Variants in PLCL1 observed in about 807,000 individuals in gnomAD.
The protein encoded by PLCL1 is inactive phospholipase C-like protein 1.
Under a neutral mutation model 84.4 loss-of-function variants are expected in PLCL1, and 41 were observed. The ratio of observed to expected loss-of-function variants is 0.49; its 90% CI spans 0.38 to 0.63. The LOEUF (loss-of-function observed/expected upper bound fraction) is 0.63. Among genes scored for constraint, PLCL1 ranks in the 30% least tolerant of loss-of-function variants. PLCL1 has a pLI of 0.00. For synonymous variants in PLCL1, 490 were observed against 488.3 expected, an observed-to-expected ratio of 1.00 and a Z score of -0.05; for missense variants, 1,206 against 1,367.8, an observed-to-expected ratio of 0.88 and a Z score of 1.87.
intron 1 of PLCL1, among the ~76,000 whole-genome samples, chr2:197,979,176 C>T (rs1021467226): frequency 9.8e-5 from 15 of 152,292 alleles, no homozygotes; most frequent in African/African-American, 3.6e-4. Context: ...TAGAGGACAT[C>T]CGGCTTCTGA....
intron 3 of PLCL1, among the ~76,000 whole-genome samples, chr2:198,097,144 G>C (rs1475665261): frequency 1.3e-5 from 2 of 152,168 alleles, no homozygotes; most frequent in East Asian, 3.9e-4. Flanking sequence ...AAAAAGAACT[G>C]TCTGCTGGCA....
intron 1 of PLCL1, among the ~76,000 whole-genome samples, chr2:197,849,557 A>C (rs914866925): frequency 1.3e-5 from 2 of 152,226 alleles, no homozygotes; most frequent in Admixed American, 6.5e-5. Flanking sequence ...GGAAATTAAA[A>C]AATAAATATT....
At chr2:197,817,152 G>T (rs1690706725) in intron 1 of PLCL1, among the ~76,000 whole-genome samples, 1 of 152,056 alleles carries the variant, frequency 6.6e-6, no homozygotes, top group African/African-American at 2.4e-5. Context: ...AAAGGTACAG[G>T]TCTTTGGCTC....
intron 1 of PLCL1, among the ~76,000 whole-genome samples, chr2:197,856,987 G>A (rs967316098): frequency 1.3e-5 from 2 of 151,870 alleles, no homozygotes; most frequent in Admixed American, 1.3e-4. Flanking sequence ...GAGAATGAGG[G>A]GTGGGAAGAG....
intron 1 of PLCL1, among the ~76,000 whole-genome samples, chr2:198,039,482 C>T (rs2105857552): frequency 6.6e-6 from 1 of 152,132 alleles, no homozygotes; most frequent in South Asian, 2.1e-4. Context: ...GAAATATTTT[C>T]CTGTCTCTTG....
intron 1 of PLCL1, among the ~76,000 whole-genome samples, chr2:197,990,540 A>G (rs1312305017): frequency 6.6e-6 from 1 of 152,206 alleles, no homozygotes; most frequent in African/African-American, 2.4e-5. Flanking sequence ...GAGCAAAGGC[A>G]CATCTTACAT....
intron 1 of PLCL1, among the ~76,000 whole-genome samples, chr2:197,839,554 G>A (rs190647732): frequency 6.4e-4 from 97 of 152,324 alleles, no homozygotes; most frequent in African/African-American, 2.2e-3. Context: ...CTCACCTGCA[G>A]CTCACCTTCT....
Position 198,142,296 on chromosome 2 carries a change from G to A in PLCL1, c.3106-4484G>A, listed in dbSNP as rs145923114. On this transcript the variant is annotated intron_variant, in intron 5 of 5. Coordinates refer to ENST00000428675, the MANE Select transcript of PLCL1 (RefSeq NM_006226.4). ...ATGAGATGTATTTGAACTGGTTTAC[G>A]TTTAGTATATTAAGTGTTCAGTAAA... 8.7e-3 allele frequency among the ~76,000 whole-genome samples: 1,329 copies of A among 152,124 alleles called. 10 individuals are homozygous for A. The highest frequency in any genetic ancestry group is 0.03 in the South Asian group (145 of 4,818).
intron 1 of PLCL1, among the ~76,000 whole-genome samples, chr2:197,935,679 G>A (rs1339022992): frequency 6.6e-6 from 1 of 152,086 alleles, no homozygotes; most frequent in African/African-American, 2.4e-5. Context: ...TATTACCGGG[G>A]TGACAAAATA....
chr2:197,856,320 T>A (rs1687329399), intron 1 of PLCL1, among the ~76,000 whole-genome samples: 1 of 152,190 alleles, frequency 6.6e-6, no homozygotes, highest in Non-Finnish European at 1.5e-5. Flanking sequence ...ATAAATGAGA[T>A]AGAAGTCGAG....
chr2:197,868,118 A>G (rs1181013171), intron 1 of PLCL1, among the ~76,000 whole-genome samples: 1 of 152,172 alleles, frequency 6.6e-6, no homozygotes, highest in Non-Finnish European at 1.5e-5. Context: ...TATCTTAGCT[A>G]TTATAACTGC....
intron 1 of PLCL1, among the ~76,000 whole-genome samples, chr2:197,962,944 T>C (rs1021547903): frequency 1.3e-5 from 2 of 152,098 alleles, no homozygotes; most frequent in African/African-American, 4.8e-5. Flanking sequence ...TGATTGTGTA[T>C]ATGCACCACA....
chr2:198,015,745 C>T (rs796523595), intron 1 of PLCL1, among the ~76,000 whole-genome samples: 17 of 151,950 alleles, frequency 1.1e-4, no homozygotes, highest in African/African-American at 9.6e-5. Context: ...AGGGTGGTCA[C>T]GGTGGTGGTA....
chr2:197,876,902 A>G (rs992556121), intron 1 of PLCL1, among the ~76,000 whole-genome samples: 1 of 152,194 alleles, frequency 6.6e-6, no homozygotes, highest in Non-Finnish European at 1.5e-5. Context: ...AGGCATTTAG[A>G]TGAGCGTAAA....
intron 1 of PLCL1, among the ~76,000 whole-genome samples, chr2:198,014,149 T>C (rs1333911304): frequency 6.6e-6 from 1 of 152,142 alleles, no homozygotes; most frequent in Non-Finnish European, 1.5e-5. Context: ...AGCAGCACAG[T>C]CTAATACAAG....
At chr2:197,988,418 C>T (rs1414870292) in intron 1 of PLCL1, among the ~76,000 whole-genome samples, 1 of 152,152 alleles carries the variant, frequency 6.6e-6, no homozygotes, top group Admixed American at 6.6e-5. Context: ...TATCACTCTG[C>T]ATGCCTTTGC....
At chr2:197,826,073 C>T (rs548670241) in intron 1 of PLCL1, among the ~76,000 whole-genome samples, 1 of 152,316 alleles carries the variant, frequency 6.6e-6, no homozygotes, top group Admixed American at 6.5e-5. Flanking sequence ...GTATTTCCTT[C>T]TCGGAGGCTT....
intron 3 of PLCL1, among the ~76,000 whole-genome samples, chr2:198,092,385 T>G (rs1693066389): frequency 6.6e-6 from 1 of 152,234 alleles, no homozygotes; most frequent in South Asian, 2.1e-4. Flanking sequence ...TTATGGGGTA[T>G]GGTGTGATAT....
intron 1 of PLCL1, among the ~76,000 whole-genome samples, chr2:198,026,409 G>A (rs1018063862): frequency 1.3e-5 from 2 of 152,142 alleles, no homozygotes; most frequent in African/African-American, 4.8e-5. Flanking sequence ...GAATGACTTA[G>A]TGAGTTAATT....
Sources: allele counts gnomAD v4.1 joint callset (sites outside exome capture counted in the v4.1 genomes callset), GRCh38; gene constraint gnomAD v4.1.1; transcripts MANE v1.5; gene names NCBI Gene and HGNC (gene_info 2026-07-23, HGNC 2026-07-21).